Variants in ST7 observed in about 807,000 individuals in gnomAD.
ST7 encodes suppressor of tumorigenicity 7 protein.
A neutral mutation model predicts 78.7 loss-of-function variants in ST7; 28 were observed. The ratio of observed to expected loss-of-function variants is 0.36; its 90% CI spans 0.26 to 0.49. The LOEUF (loss-of-function observed/expected upper bound fraction) is 0.49. Ranked by LOEUF, ST7 falls within the 20% of genes least tolerant of loss-of-function variation. ST7 has a pLI of 0.99. For synonymous variants in ST7, 247 were observed against 249.6 expected (o/e 0.99, Z 0.10); for missense variants, 418 against 696.0 (o/e 0.60, Z 4.49).
Position 117,219,306 on chromosome 7 carries a change from A to T in ST7, c.1498+130A>T. 2 of 742,242 alleles carry T rather than the reference A, an allele frequency of 2.7e-6. No individual in the cohort carries two copies. Among genetic ancestry groups the T allele is most frequent in the Non-Finnish European group, 4.5e-6 (2 of 446,264 alleles). The allele number at this position is 742,242 out of a possible 1,614,324, so 46.0% of individuals were successfully genotyped here. Reference sequence around the variant, plus strand: ...TTCTCCAAACCCCTGTCCTTGTTTGATAGCATATGTATTAAAGTGAATTAT... The same window carrying T: ...TTCTCCAAACCCCTGTCCTTGTTTGTTAGCATATGTATTAAAGTGAATTAT... On this transcript the variant is annotated intron_variant, in intron 14 of 15. Coordinates refer to ENST00000323984, the MANE Select transcript of ST7 (RefSeq NM_001369598.1). The surrounding 1 kb of genome is among the most constrained non-coding windows in gnomAD (Gnocchi z 5.1).
intron 9 of ST7, among the ~76,000 whole-genome samples, chr7:117,152,168 ATATAAAAAC>A (rs1806304558): frequency 1.7e-5 from 2 of 116,568 alleles, no homozygotes; most frequent in African/African-American, 7.6e-5. Context: ...TGTATTATAT[ATATAAAAAC>A]TATATATATA....
chr7:117,059,938 G>A (rs577658606), intron 1 of ST7, among the ~76,000 whole-genome samples: 8 of 151,916 alleles, frequency 5.3e-5, no homozygotes, highest in South Asian at 2.1e-4. Context: ...AACCAAGATC[G>A]CACTACCCCA....
chr7:117,060,888 C>T (rs1354259572), intron 1 of ST7, among the ~76,000 whole-genome samples: 2 of 152,074 alleles, frequency 1.3e-5, no homozygotes, highest in African/African-American at 2.4e-5. Context: ...CGCCTGTAAT[C>T]CCAGCTATTC....
chr7:117,167,953 G>A (rs1369142486), intron 9 of ST7, among the ~76,000 whole-genome samples: 2 of 152,126 alleles, frequency 1.3e-5, no homozygotes. Context: ...GAAGCAGTGT[G>A]GAGTAAACAG....
At chr7:117,194,551 G>A (rs908285801) in intron 12 of ST7, among the ~76,000 whole-genome samples, 3 of 152,160 alleles carry the variant, frequency 2.0e-5, no homozygotes, top group Non-Finnish European at 4.4e-5. Context: ...TGATGCTGGT[G>A]ATTTTCAACA....
chr7:117,023,805 C>CGTGT lies in ST7; in HGVS notation c.151+70128_151+70131dup, dbSNP rs369099100. 7.5e-5 allele frequency among the ~76,000 whole-genome samples: 11 copies of CGTGT among 146,476 alleles called. No individual in the cohort carries two copies. In the South Asian group the frequency reaches 2.2e-3, roughly 29 times the overall value. On this transcript the variant is annotated intron_variant, in intron 1 of 15. Transcript: ENST00000323984. ...TATATATATATATATCGTGTGTGTGCGTGTGTGTGTGTGTGTGACGGAGTC... is the reference window on the plus strand; with the variant it reads ...TATATATATATATATCGTGTGTGTGCGTGTGTGTGTGTGTGTGTGTGACGGAGTC...
intron 7 of ST7, among the ~76,000 whole-genome samples, chr7:117,135,110 G>A (rs540657861): frequency 1.3e-5 from 2 of 152,068 alleles, no homozygotes; most frequent in Admixed American, 6.6e-5. Context: ...GGGAAGGAGA[G>A]TGAAAGGATG....
At chr7:117,130,259 A>G (rs1239382405) in intron 4 of ST7, among the ~76,000 whole-genome samples, 2 of 151,880 alleles carry the variant, frequency 1.3e-5, no homozygotes, top group Non-Finnish European at 2.9e-5. Flanking sequence ...TTTCATTAGC[A>G]AGGGCTAGTA....
At chr7:117,092,007 C>T (rs1168937107) in intron 1 of ST7, among the ~76,000 whole-genome samples, 1 of 152,062 alleles carries the variant, frequency 6.6e-6, no homozygotes, top group Non-Finnish European at 1.5e-5. Flanking sequence ...TCCACGTGGC[C>T]ACTTCATTAA....
intron 1 of ST7, among the ~76,000 whole-genome samples, chr7:117,009,578 A>T (rs950029350): frequency 6.6e-6 from 1 of 152,198 alleles, no homozygotes; most frequent in South Asian, 2.1e-4. Flanking sequence ...TTGGATTCAT[A>T]TTTGTAGGAC....
At chr7:117,222,115 G>T in intron 15 of ST7, 53 bp downstream of exon 15, 1 of 1,550,224 alleles carries the variant, frequency 6.5e-7, no homozygotes. Context: ...AAAGCCAAGG[G>T]CATAAAAGCA....
intron 12 of ST7, among the ~76,000 whole-genome samples, chr7:117,196,651 T>TTTTTTTTTTTTTTTTTG (rs1810342036): frequency 9.2e-6 from 1 of 108,396 alleles, no homozygotes; most frequent in African/African-American, 3.5e-5. Context: ...TTTTTTTTTT[T>TTTTTTTTTTTTTTTTTG]GCTATTGAGT....
intron 9 of ST7, among the ~76,000 whole-genome samples, chr7:117,146,877 T>G (rs935580804): frequency 6.6e-6 from 1 of 152,188 alleles, no homozygotes; most frequent in African/African-American, 2.4e-5. Flanking sequence ...TCTTAAGTAG[T>G]GACTTCTTGA....
intron 1 of ST7, among the ~76,000 whole-genome samples, chr7:116,993,367 A>T (rs990262199): frequency 6.6e-6 from 1 of 152,190 alleles, no homozygotes; most frequent in Admixed American, 6.5e-5. Context: ...AGAAAGAGAA[A>T]ATGAGGAAGA....
At chr7:117,020,394 C>T (rs1217393655) in intron 1 of ST7, 2 of 480,312 alleles carry the variant, frequency 4.2e-6, no homozygotes, top group African/African-American at 3.2e-5. Flanking sequence ...GTTAAGAGAC[C>T]TTGCATTTCA....
chr7:117,087,809 A>T (rs1800275873), intron 1 of ST7, among the ~76,000 whole-genome samples: 2 of 152,094 alleles, frequency 1.3e-5, no homozygotes, highest in South Asian at 4.2e-4. Flanking sequence ...CATCCTGTTG[A>T]ATTTAACTCT....
chr7:117,225,551 G>A (rs1226169859), intron 15 of ST7, among the ~76,000 whole-genome samples: 1 of 152,090 alleles, frequency 6.6e-6, no homozygotes, highest in Non-Finnish European at 1.5e-5. Flanking sequence ...AGTCTTCTCT[G>A]CATCTTCACC....
chr7:116,997,258 T>C (rs1216143138), intron 1 of ST7, among the ~76,000 whole-genome samples: 1 of 152,128 alleles, frequency 6.6e-6, no homozygotes, highest in Non-Finnish European at 1.5e-5. Flanking sequence ...TTCCACAGTG[T>C]GGAAGGGGAC....
chr7:117,079,968 CTTTTTTTTT>C (rs34326752), intron 1 of ST7, among the ~76,000 whole-genome samples: 104 of 65,422 alleles, frequency 1.6e-3, no homozygotes, highest in African/African-American at 4.7e-3. Context: ...TTTGTCATTC[CTTTTTTTTT>C]TTTTTTTTTT....
Sources: allele counts gnomAD v4.1 joint callset (sites outside exome capture counted in the v4.1 genomes callset), GRCh38; gene constraint gnomAD v4.1.1; non-coding constraint Gnocchi (gnomAD v3.1); transcripts MANE v1.5; gene names NCBI Gene and HGNC (gene_info 2026-07-23, HGNC 2026-07-21).